Variants in BIRC6 observed in about 807,000 individuals in gnomAD.
BIRC6 encodes baculoviral IAP repeat containing 6.
In BIRC6, 98 loss-of-function variants were observed where a neutral mutation model predicts 503.3. The ratio of observed to expected loss-of-function variants is 0.19; its 90% CI spans 0.17 to 0.23. The LOEUF (loss-of-function observed/expected upper bound fraction) is 0.23, where lower values mean the gene tolerates loss of function less well. BIRC6 is among the 10% of genes least tolerant of loss of function. BIRC6 has a pLI of 1.00. For synonymous variants in BIRC6, 2,240 were observed against 2,078.7 expected, an observed-to-expected ratio of 1.08 and a Z score of -2.11; for missense variants, 5,360 against 5,806.0, an observed-to-expected ratio of 0.92 and a Z score of 2.50.
At chr2:32,463,145 T>C in intron 23 of BIRC6, 49 bp from the exon 24 acceptor site, 1 of 1,468,076 alleles carries the variant, frequency 6.8e-7, no homozygotes, top group South Asian at 1.3e-5. Context: ...TAACCTTTTC[T>C]TCATCCTGGT....
intron 73 of BIRC6, among the ~76,000 whole-genome samples, chr2:32,613,174 C>G (rs966566424): frequency 2.0e-5 from 3 of 150,646 alleles, no homozygotes; most frequent in East Asian, 3.9e-4. Flanking sequence ...TTCATGGAAC[C>G]CTGCCTTGAC....
chr2:32,503,287 A>G (rs1450934781), intron 49 of BIRC6, 51 bp downstream of exon 49: 3 of 1,476,534 alleles, frequency 2.0e-6, no homozygotes. Flanking sequence ...CTAGTTTATT[A>G]GCTGGTATGA....
chr2:32,610,089 T>A lies in BIRC6; in HGVS notation c.14260-1359T>A, dbSNP rs79163458. ...CCACTGTTCTTCATTTAAAGCTGTG[T>A]CATACTTACTTCTGTATCCCAGAGG... On this transcript the variant is annotated intron_variant, in intron 72 of 73. Coordinates refer to ENST00000421745, the MANE Select transcript of BIRC6 (RefSeq NM_016252.4). 4.7e-3 allele frequency among the ~76,000 whole-genome samples: 714 copies of A among 152,320 alleles called. 3 individuals are homozygous for A. Among genetic ancestry groups the A allele is most frequent in the African/African-American group, 0.016 (678 of 41,566 alleles).
At chr2:32,460,244 T>TTATATATATA (rs1558785783) in intron 23 of BIRC6, among the ~76,000 whole-genome samples, 5 of 83,604 alleles carry the variant, frequency 6.0e-5, no homozygotes, top group African/African-American at 2.3e-4. Context: ...ATCTCGTATA[T>TTATATATATA]GATATATATA....
chr2:32,524,458 T>C (rs531675550), intron 57 of BIRC6, among the ~76,000 whole-genome samples: 6 of 152,326 alleles, frequency 3.9e-5, no homozygotes, highest in Admixed American at 3.3e-4. Flanking sequence ...ATATTTGCCA[T>C]ATACAGATTA....
chr2:32,455,909 A>C (rs1574337013), intron 23 of BIRC6, among the ~76,000 whole-genome samples: 1 of 152,326 alleles, frequency 6.6e-6, no homozygotes, highest in African/African-American at 2.4e-5. Flanking sequence ...AGTGCTGACT[A>C]GTGATTATAA....
Position 32,617,987 on chromosome 2 carries a change from T to C in BIRC6, c.*83T>C. On this transcript the variant is annotated 3_prime_UTR_variant, in exon 74 of 74. Coordinates refer to ENST00000421745, the MANE Select transcript of BIRC6 (RefSeq NM_016252.4). The stretch of plus-strand genomic sequence containing the variant: ...CAATATTTGTATGTAAGAAACTAAT[T>C]ATGTAATAGGTAATGAAACTGAAAC... 1 of 1,313,110 alleles carries C rather than the reference T, an allele frequency of 7.6e-7. No homozygotes were observed. Among genetic ancestry groups the C allele is most frequent in the Middle Eastern group, 1.9e-4 (1 of 5,300 alleles). The allele number at this position is 1,313,110 out of a possible 1,614,324, so 81.3% of individuals were successfully genotyped here.
chr2:32,373,995 G>A (rs896762421), intron 1 of BIRC6, among the ~76,000 whole-genome samples: 2 of 152,150 alleles, frequency 1.3e-5, no homozygotes, highest in East Asian at 3.8e-4. Context: ...GAGATATTTA[G>A]AGTAGTCGAA....
At chr2:32,474,716 T>A (rs903397179) in intron 33 of BIRC6, among the ~76,000 whole-genome samples, 1 of 152,182 alleles carries the variant, frequency 6.6e-6, no homozygotes, top group Non-Finnish European at 1.5e-5. Flanking sequence ...TCAGAAAAAA[T>A]TAAAAATGAT....
At chr2:32,477,160 A>G (rs1409881521) in intron 34 of BIRC6, among the ~76,000 whole-genome samples, 2 of 152,298 alleles carry the variant, frequency 1.3e-5, no homozygotes, top group Non-Finnish European at 1.5e-5. Context: ...ACTCTGTTAC[A>G]TATCTGATAC....
chr2:32,401,712 G>GA (rs1442573452), intron 8 of BIRC6, 89 bp downstream of exon 8: 20 of 1,205,850 alleles, frequency 1.7e-5, no homozygotes, highest in Admixed American at 2.8e-5. Context: ...TAAAGAGGAG[G>GA]AAAAAAAAGT....
intron 48 of BIRC6, 51 bp downstream of exon 48, chr2:32,502,942 TG>T: frequency 6.5e-7 from 1 of 1,536,818 alleles, no homozygotes; most frequent in Non-Finnish European, 8.9e-7. Flanking sequence ...TGTGATAGTA[TG>T]TTACATTTTC....
chr2:32,398,209 T>G (rs1037284388), intron 6 of BIRC6, among the ~76,000 whole-genome samples: 1 of 152,166 alleles, frequency 6.6e-6, no homozygotes, highest in East Asian at 1.9e-4. Flanking sequence ...TCTATTTACG[T>G]ACCCTAGGGA....
At chr2:32,473,012 T>C (rs1422907988) in intron 32 of BIRC6, 100 bp from the exon 33 acceptor site, 1 of 984,070 alleles carries the variant, frequency 1.0e-6, no homozygotes, top group Non-Finnish European at 1.5e-6. Context: ...CTTTTCATGA[T>C]TGACACATGT....
chr2:32,381,670 C>T (rs1003229085), intron 3 of BIRC6, among the ~76,000 whole-genome samples: 1 of 151,054 alleles, frequency 6.6e-6, no homozygotes, highest in Non-Finnish European at 1.5e-5. Flanking sequence ...CTCAGCCTCC[C>T]GAGTAGCTGG....
At chr2:32,616,452 C>T (rs1373236826) in intron 73 of BIRC6, among the ~76,000 whole-genome samples, 2 of 149,238 alleles carry the variant, frequency 1.3e-5, no homozygotes, top group African/African-American at 5.0e-5. Flanking sequence ...AGCAGTTGCT[C>T]GGGAGGCTGA....
rs755912856 is a variant in BIRC6, at chr2:32,515,358, A to G, written c.10937A>G (p.His3646Arg). ...VRSLASFCFS[H>R]ISSSESIAQS... is the part of the protein sequence containing the mutation. ...AGTCTGGCTAGTTTCTGCTTTAGCC[A>G]CATTTCTAGCTCAGAAAGCATTGCC... Residue 3646 changes from histidine (H) to arginine (R), a missense_variant, in exon 55 of 74, where the codon CAC becomes CGC. His to Arg is a conservative substitution (Grantham distance 29, BLOSUM62 0). Around this residue, in one of 16 missense-constraint regions of BIRC6, gnomAD observed 878 missense variants for 928.9 expected, o/e 0.95. Transcript: ENST00000421745. The G allele has an allele frequency of 6.2e-7, 1 of 1,613,770 alleles. No homozygotes were observed. The highest frequency in any genetic ancestry group is 8.5e-7 in the Non-Finnish European group (1 of 1,179,896).
intron 11 of BIRC6, 60 bp from the exon 12 acceptor site, chr2:32,430,803 TTC>T (rs1334443424): frequency 4.0e-5 from 44 of 1,102,096 alleles, no homozygotes; most frequent in Admixed American, 9.7e-5. Flanking sequence ...CTTCATTGTC[TTC>T]TTTTTTTTTT....
intron 4 of BIRC6, among the ~76,000 whole-genome samples, chr2:32,391,380 G>A (rs1294458676): frequency 6.6e-6 from 1 of 151,956 alleles, no homozygotes; most frequent in African/African-American, 2.4e-5. Flanking sequence ...TGTTTTATTG[G>A]GTAATATAAC....
Sources: gnomAD v4.1 joint callset for allele counts (sites outside exome capture counted in the v4.1 genomes callset) on GRCh38, gnomAD v4.1.1 for gene constraint, gnomAD v4.1.1 regional missense constraint, MANE v1.5 for transcripts, NCBI Gene and HGNC (gene_info 2026-07-23, HGNC 2026-07-21) for gene names.